Variants in GPR176 observed in about 807,000 individuals in gnomAD.
GPR176 encodes G protein-coupled receptor 176.
Under a neutral mutation model 35.4 loss-of-function variants are expected in GPR176, and 26 were observed. The observed-to-expected ratio is 0.74, with a 90% confidence interval of 0.54 to 1.02. The LOEUF is 1.02. Among genes scored for constraint, GPR176 ranks in the 50% least tolerant of loss-of-function variants. The pLI is 0.00. For missense variants in GPR176, 597 were observed against 665.3 expected (o/e 0.90, Z 1.13); for synonymous variants, 278 against 271.3 (o/e 1.02, Z -0.24).
intron 1 of GPR176, among the ~76,000 whole-genome samples, chr15:39,911,457 G>T (rs2033575401): frequency 6.6e-6 from 1 of 152,208 alleles, no homozygotes; most frequent in South Asian, 2.1e-4. Context: ...TGATTCTTCC[G>T]AATGAAATGT....
At chr15:39,834,433 C>T (rs1186223018) in intron 1 of GPR176, among the ~76,000 whole-genome samples, 1 of 152,072 alleles carries the variant, frequency 6.6e-6, no homozygotes, top group African/African-American at 2.4e-5. Flanking sequence ...TAAGGATGAG[C>T]AAGCCCTATA....
At chr15:39,908,906 G>C (rs1450671305) in intron 1 of GPR176, among the ~76,000 whole-genome samples, 7 of 152,182 alleles carry the variant, frequency 4.6e-5, no homozygotes, top group African/African-American at 1.7e-4. Flanking sequence ...AGTAAAGCCT[G>C]AATCATGTGC....
At chr15:39,893,968 C>T (rs1341555046) in intron 1 of GPR176, among the ~76,000 whole-genome samples, 1 of 122,820 alleles carries the variant, frequency 8.1e-6, no homozygotes, top group Non-Finnish European at 1.7e-5. Flanking sequence ...GCTGACCCCC[C>T]CACCTCCCTC....
At chr15:39,890,942 G>A (rs941603026) in intron 1 of GPR176, among the ~76,000 whole-genome samples, 7 of 152,204 alleles carry the variant, frequency 4.6e-5, no homozygotes, top group African/African-American at 1.7e-4. Flanking sequence ...GAGTTTAATG[G>A]AGTAAGACAG....
At chr15:39,847,476 T>C (rs1473983514) in intron 1 of GPR176, among the ~76,000 whole-genome samples, 11 of 152,074 alleles carry the variant, frequency 7.2e-5, no homozygotes, top group African/African-American at 4.8e-5. Context: ...CCGGGCACAA[T>C]GGCTCACACC....
At chr15:39,859,986 C>T (rs1206634950) in intron 1 of GPR176, among the ~76,000 whole-genome samples, 2 of 79,402 alleles carry the variant, frequency 2.5e-5, no homozygotes, top group African/African-American at 1.4e-4. Context: ...ATAAAAAAGG[C>T]TTAAATCAAA....
chr15:39,829,200 A>G, intron 1 of GPR176: 1 of 1,529,020 alleles, frequency 6.5e-7, no homozygotes, highest in Admixed American at 2.0e-5. Context: ...AACACCTCAC[A>G]ACGCAACCCC....
Position 39,851,981 on chromosome 15 carries a change from C to T in GPR176, c.173-44723G>A, listed in dbSNP as rs559353429. 6.6e-5 allele frequency among the ~76,000 whole-genome samples: 10 copies of T among 152,210 alleles called. No homozygotes were observed. In the East Asian group the frequency reaches 1.9e-3, roughly 29 times the overall value. ...ACAGTCTGCTTTTGGTATTGTGCCC[C>T]AGGAGTATCATAAAGACATGTAATC... is the stretch of plus-strand genomic sequence containing the variant. On this transcript the variant is annotated intron_variant, in intron 1 of 2. Transcript: ENST00000561100.
chr15:39,907,818 T>A (rs1485728230), intron 1 of GPR176, among the ~76,000 whole-genome samples: 1 of 152,064 alleles, frequency 6.6e-6, no homozygotes, highest in East Asian at 1.9e-4. Context: ...AAAAAGCTAT[T>A]GATTAAAAAT....
chr15:39,916,222 CT>C (rs1566972442), intron 1 of GPR176, among the ~76,000 whole-genome samples: 1 of 152,132 alleles, frequency 6.6e-6, no homozygotes, highest in Non-Finnish European at 1.5e-5. Flanking sequence ...GATTCCAGAT[CT>C]TTTGGAGTCT....
chr15:39,822,713 C>A (rs1171304932), intron 1 of GPR176, among the ~76,000 whole-genome samples: 1 of 152,158 alleles, frequency 6.6e-6, no homozygotes, highest in East Asian at 1.9e-4. Context: ...ATAAAGAACA[C>A]CAAAACCTAA....
chr15:39,888,338 T>C (rs749899827), intron 1 of GPR176, among the ~76,000 whole-genome samples: 10 of 152,116 alleles, frequency 6.6e-5, no homozygotes, highest in African/African-American at 7.2e-5. Context: ...CAGGCTGGAG[T>C]GTAGCGACAT....
At chr15:39,893,766 C>T (rs1217129186) in intron 1 of GPR176, among the ~76,000 whole-genome samples, 2 of 144,020 alleles carry the variant, frequency 1.4e-5, no homozygotes, top group African/African-American at 5.1e-5. Flanking sequence ...GGCGGGGCGG[C>T]TGGCCAGGCG....
chr15:39,887,452 C>G (rs2032712843), intron 1 of GPR176, among the ~76,000 whole-genome samples: 2 of 152,180 alleles, frequency 1.3e-5, no homozygotes, highest in African/African-American at 2.4e-5. Context: ...CTGTGTAAAA[C>G]AGCAGCATCA....
At chr15:39,860,031 G>T (rs1176125638) in intron 1 of GPR176, among the ~76,000 whole-genome samples, 2 of 150,370 alleles carry the variant, frequency 1.3e-5, no homozygotes, top group Non-Finnish European at 3.0e-5. Context: ...TCAAATTACA[G>T]AAATTATTCA....
At chr15:39,841,083 C>T (rs771659505) in intron 1 of GPR176, among the ~76,000 whole-genome samples, 6 of 152,128 alleles carry the variant, frequency 3.9e-5, no homozygotes, top group Non-Finnish European at 8.8e-5. Flanking sequence ...CTTAAAACCT[C>T]ATTTTTACCC....
intron 1 of GPR176, among the ~76,000 whole-genome samples, chr15:39,837,003 A>C (rs10520154): frequency 0.3 from 44,903 of 152,052 alleles, 7,557 homozygotes; most frequent in Non-Finnish European, 0.39. Flanking sequence ...TAATTAACTG[A>C]AGGTGCCGAA....
At chr15:39,808,551 A>G (rs1899339017) in intron 1 of GPR176, among the ~76,000 whole-genome samples, 1 of 152,178 alleles carries the variant, frequency 6.6e-6, no homozygotes, top group Non-Finnish European at 1.5e-5. Flanking sequence ...TCCTGCCTCC[A>G]TTATGCTCCA....
At chr15:39,841,618 G>A (rs913843510) in intron 1 of GPR176, among the ~76,000 whole-genome samples, 2 of 152,088 alleles carry the variant, frequency 1.3e-5, no homozygotes, top group Admixed American at 6.5e-5. Flanking sequence ...AGTGAGGAAT[G>A]GGCAAGGAAG....
Sources: gnomAD v4.1 joint callset for allele counts (sites outside exome capture counted in the v4.1 genomes callset) on GRCh38, gnomAD v4.1.1 for gene constraint, MANE v1.5 for transcripts, NCBI Gene and HGNC (gene_info 2026-07-23, HGNC 2026-07-21) for gene names.